The following TTC39B variants were observed in gnomAD, a reference collection of about 807,000 sequenced individuals.
The protein encoded by TTC39B is tetratricopeptide repeat protein 39B.
In TTC39B, 92 loss-of-function variants were observed where a neutral mutation model predicts 96.6. That is an observed-to-expected ratio of 0.95 (90% CI 0.80 to 1.13). The LOEUF is 1.13. TTC39B is among the 50% of genes most tolerant of loss of function. The probability of loss-of-function intolerance (pLI) is 0.00; values close to 1 mark genes in which losing one functional copy is unlikely to be tolerated. For missense variants in TTC39B, 955 were observed against 809.3 expected (o/e 1.18, Z -2.18); for synonymous variants, 367 against 299.4 (o/e 1.23, Z -2.33).
intron 1 of TTC39B, among the ~76,000 whole-genome samples, chr9:15,285,339 AC>A (rs1266293304): frequency 6.6e-6 from 1 of 152,160 alleles, no homozygotes; most frequent in Non-Finnish European, 1.5e-5. Context: ...TCTCTAGACA[AC>A]TTTTTAAAAA....
chr9:15,301,714 C>T (rs1021980422), intron 1 of TTC39B, among the ~76,000 whole-genome samples: 3 of 151,520 alleles, frequency 2.0e-5, no homozygotes, highest in Admixed American at 6.6e-5. Flanking sequence ...TGAGATCGTG[C>T]CACTGCACTC....
chr9:15,222,680 G>A (rs1314311346), intron 3 of TTC39B, among the ~76,000 whole-genome samples: 1 of 152,142 alleles, frequency 6.6e-6, no homozygotes, highest in Admixed American at 6.6e-5. Context: ...CCAAAGTTCT[G>A]TACCCACACT....
chr9:15,232,738 T>G (rs1159506446), intron 2 of TTC39B, among the ~76,000 whole-genome samples: 1 of 152,054 alleles, frequency 6.6e-6, no homozygotes, highest in Non-Finnish European at 1.5e-5. Flanking sequence ...ACGCCTCTGG[T>G]GTACTAAATC....
intron 7 of TTC39B, among the ~76,000 whole-genome samples, chr9:15,202,669 G>C (rs1404177950): frequency 6.6e-6 from 1 of 151,144 alleles, no homozygotes; most frequent in East Asian, 1.9e-4. Context: ...CCGAGATCAT[G>C]CCACTGTACT....
intron 3 of TTC39B, among the ~76,000 whole-genome samples, chr9:15,221,964 G>C (rs1034732329): frequency 1.3e-5 from 2 of 152,166 alleles, no homozygotes; most frequent in Non-Finnish European, 2.9e-5. Context: ...GCAAACACTG[G>C]TAACTACTCT....
At position 15,247,275 on chromosome 9, in the gene TTC39B, T is replaced by A. The variant is rs560258511; in HGVS notation, c.275+20639A>T. ...ACACTAGAGTGGTTTTATCTTAAGA[T>A]CAGTGGGTAGGAGGCTGTAGAGAGG... On this transcript the variant is annotated intron_variant, in intron 2 of 19. Coordinates refer to ENST00000512701, the Ensembl canonical transcript of TTC39B. Among the ~76,000 whole-genome samples, 189 of 152,318 alleles carry A rather than the reference T, an allele frequency of 1.2e-3. 1 individual carries two copies. The highest frequency in any genetic ancestry group is 4.3e-3 in the African/African-American group (180 of 41,562).
intron 16 of TTC39B, among the ~76,000 whole-genome samples, chr9:15,183,111 G>T (rs1459213205): frequency 1.3e-5 from 2 of 151,954 alleles, no homozygotes; most frequent in Non-Finnish European, 2.9e-5. Flanking sequence ...AAGTAAGCAG[G>T]GTAATTAGTA....
intron 2 of TTC39B, among the ~76,000 whole-genome samples, chr9:15,264,095 G>C (rs996491257): frequency 6.6e-6 from 1 of 152,102 alleles, no homozygotes; most frequent in African/African-American, 2.4e-5. Context: ...TAGAAACTGA[G>C]GCAGTGTTAA....
Position 15,190,585 on chromosome 9 carries a change from T to C in TTC39B, c.1074A>G (p.Leu358=), listed in dbSNP as rs577136693. 5.6e-6 allele frequency: 9 copies of C among 1,614,174 alleles called. No individual in the cohort carries two copies. In the South Asian group the frequency reaches 9.9e-5, roughly 18 times the overall value. ...TTAGGGAGATGTAAGTATGAAAAGC[T>C]AAGATGGTTAAGCAGCACAGTGCAG... Residue 358 remains leucine, a synonymous_variant, in exon 11 of 20, where the codon TTA becomes TTG. Coordinates refer to ENST00000512701, the Ensembl canonical transcript of TTC39B.
At chr9:15,188,199 AATAC>A (rs1324333322) in intron 13 of TTC39B, 67 bp from the exon 14 acceptor site, 14 of 1,475,784 alleles carry the variant, frequency 9.5e-6, no homozygotes, top group Non-Finnish European at 1.3e-5. Flanking sequence ...CTAATGGAAA[AATAC>A]ATAAAACACT....
chr9:15,205,401 T>TAC (rs1356412389), intron 6 of TTC39B, among the ~76,000 whole-genome samples: 4 of 149,012 alleles, frequency 2.7e-5, no homozygotes, highest in Non-Finnish European at 4.5e-5. Flanking sequence ...ACCCCCACCC[T>TAC]ACACACACAT....
At chr9:15,192,832 G>A in intron 8 of TTC39B, 137 bp from the exon 9 acceptor site, 1 of 615,434 alleles carries the variant, frequency 1.6e-6, no homozygotes, top group Non-Finnish European at 2.8e-6. Flanking sequence ...GGATGATGCT[G>A]TGCTGAGTTT....
intron 2 of TTC39B, among the ~76,000 whole-genome samples, chr9:15,245,026 A>C (rs1368361738): frequency 1.3e-5 from 2 of 152,172 alleles, no homozygotes; most frequent in African/African-American, 4.8e-5. Context: ...GGAGTTTACA[A>C]CTCATAGTAT....
intron 6 of TTC39B, among the ~76,000 whole-genome samples, chr9:15,207,983 C>CAAAAA (rs531829809): frequency 2.4e-5 from 2 of 84,620 alleles, no homozygotes; most frequent in African/African-American, 4.7e-5. Flanking sequence ...GACTTGGTCT[C>CAAAAA]AAAAAAAAAA....
At chr9:15,250,233 C>G in intron 2 of TTC39B, 4 of 1,083,888 alleles carry the variant, frequency 3.7e-6, no homozygotes, top group Non-Finnish European at 4.5e-6. Flanking sequence ...GAAGGGATGC[C>G]GGGAGATTTT....
At chr9:15,253,319 C>A (rs939738070) in intron 2 of TTC39B, among the ~76,000 whole-genome samples, 1 of 152,094 alleles carries the variant, frequency 6.6e-6, no homozygotes, top group African/African-American at 2.4e-5. Flanking sequence ...GTGGTGGGAC[C>A]ATGGAAGGAG....
At chr9:15,244,951 T>A (rs1041078157) in intron 2 of TTC39B, among the ~76,000 whole-genome samples, 1 of 151,330 alleles carries the variant, frequency 6.6e-6, no homozygotes, top group Admixed American at 6.6e-5. Flanking sequence ...AGAAAAAAAA[T>A]AAAGGCTTCC....
intron 14 of TTC39B, among the ~76,000 whole-genome samples, 162 bp downstream of exon 14, chr9:15,187,809 A>G (rs747969799): frequency 5.3e-5 from 8 of 152,234 alleles, no homozygotes; most frequent in Non-Finnish European, 1.2e-4. Context: ...TGAGGACAGT[A>G]CCTATAAATA....
intron 3 of TTC39B, among the ~76,000 whole-genome samples, chr9:15,222,710 T>C (rs1820913611): frequency 6.6e-6 from 1 of 152,204 alleles, no homozygotes; most frequent in Non-Finnish European, 1.5e-5. Flanking sequence ...TATCTAGGCT[T>C]GGTAAGTGAA....
Sources: allele counts gnomAD v4.1 joint callset (sites outside exome capture counted in the v4.1 genomes callset), GRCh38; gene constraint gnomAD v4.1.1; transcripts MANE v1.5; gene names NCBI Gene and HGNC (gene_info 2026-07-23, HGNC 2026-07-21).